Variants in ZBTB25 observed in about 807,000 individuals in gnomAD.
ZBTB25 encodes zinc finger and BTB domain containing 25.
A neutral mutation model predicts 34.2 loss-of-function variants in ZBTB25; 20 were observed. The ratio of observed to expected loss-of-function variants is 0.58; its 90% confidence interval spans 0.41 to 0.85. The LOEUF (loss-of-function observed/expected upper bound fraction) is 0.85. ZBTB25 is among the 40% of genes least tolerant of loss of function. The pLI is 0.00. For synonymous variants in ZBTB25, 175 were observed against 186.4 expected (o/e 0.94, Z 0.50); for missense variants, 437 against 521.8 (o/e 0.84, Z 1.58).
At chr14:64,468,644 C>T (rs147744153) in intron 2 of ZBTB25, 40 of 1,613,958 alleles carry the variant, frequency 2.5e-5, no homozygotes, top group Admixed American at 3.3e-5. Flanking sequence ...CTCACTCAAA[C>T]GTCTTGTAAC....
chr14:64,494,314 A>G (rs1397483198), intron 1 of ZBTB25, among the ~76,000 whole-genome samples: 2 of 152,190 alleles, frequency 1.3e-5, no homozygotes, highest in Non-Finnish European at 2.9e-5. Flanking sequence ...CAAGGGCCAA[A>G]TATCTGACTG....
chr14:64,490,203 G>A (rs2079028752), intron 2 of ZBTB25, among the ~76,000 whole-genome samples, 158 bp downstream of exon 2: 1 of 73,188 alleles, frequency 1.4e-5, no homozygotes, highest in Non-Finnish European at 2.3e-5. Flanking sequence ...GCAAGACTCT[G>A]TCGCCAAAAA....
In ZBTB25 at chr14:64,487,620, T is replaced by A; in HGVS notation, c.611A>T (p.Lys204Met). 6.2e-7 allele frequency: 1 copy of A among 1,606,602 alleles called. No homozygotes were observed. The highest frequency in any genetic ancestry group is 8.5e-7 in the Non-Finnish European group (1 of 1,176,266). ...EEHQKPPVSIKQERCDPESVI... is the reference protein window; with the variant it reads ...EEHQKPPVSIMQERCDPESVI... ...AGATTCTGGGTCACATCTCTCCTGC[T>A]TGATGGAAACTGGGGGCTTCTGGTG... The change falls in exon 3 of 3, where the codon AAG becomes ATG. Residue 204 changes from lysine to methionine, a missense_variant. Physicochemically the swap from Lys to Met is moderately conservative, Grantham distance 95. Coordinates refer to ENST00000608382, the MANE Select transcript of ZBTB25 (RefSeq NM_006977.5).
intron 1 of ZBTB25, chr14:64,502,804 C>G (rs1263255673): frequency 1.0e-6 from 1 of 958,542 alleles, no homozygotes; most frequent in Non-Finnish European, 1.2e-6. Context: ...CTCTTCAGGC[C>G]TGGTGTCTTC....
intron 2 of ZBTB25, chr14:64,467,452 T>C (rs936720741): frequency 6.6e-6 from 1 of 152,212 alleles, no homozygotes; most frequent in Non-Finnish European, 1.5e-5. Flanking sequence ...ATACAGTACT[T>C]AAATGAAAAT....
rs1000826772 is a variant in ZBTB25 at position 64,466,614 on chromosome 14, A to T, written c.174-16976T>A. ...TTAGTTCCGTCATTGTTCTAGAATG[A>T]CTTTATCTTTCTGTTAGAGGCACAC... On this transcript the variant is annotated intron_variant, in intron 2 of 2. Transcript: ENST00000555220. Among the ~76,000 whole-genome samples the T allele has an allele frequency of 4.6e-5, 7 of 152,324 alleles. 1 individual carries two copies.
At chr14:64,450,395 C>G (rs1237682301) in intron 2 of ZBTB25, among the ~76,000 whole-genome samples, 1 of 152,156 alleles carries the variant, frequency 6.6e-6, no homozygotes, top group Non-Finnish European at 1.5e-5. Context: ...GGTGCTGCCT[C>G]AAGTTGAGGG....
intron 2 of ZBTB25, chr14:64,472,405 T>TA (rs2078682353): frequency 6.0e-6 from 1 of 167,016 alleles, no homozygotes; most frequent in Non-Finnish European, 1.5e-5. Flanking sequence ...GGGGGATTTT[T>TA]AAAAAAACAG....
At chr14:64,498,499 T>A (rs2079361433) in intron 1 of ZBTB25, among the ~76,000 whole-genome samples, 1 of 151,914 alleles carries the variant, frequency 6.6e-6, no homozygotes, top group Admixed American at 6.6e-5. Context: ...TTAGTAGAGA[T>A]GGGGTTTCGC....
intron 2 of ZBTB25, chr14:64,471,135 T>C (rs1380659125): frequency 2.4e-5 from 4 of 166,780 alleles, no homozygotes; most frequent in African/African-American, 9.6e-5. Context: ...AGTTAACTTT[T>C]TCATCACTAT....
chr14:64,474,718 G>A (rs2141008399), downstream of ZBTB25, among the ~76,000 whole-genome samples: 1 of 152,206 alleles, frequency 6.6e-6, no homozygotes, highest in South Asian at 2.1e-4. Flanking sequence ...CAGCCAAAAG[G>A]GCAGTTCTGA....
At chr14:64,504,814 C>CTCT (rs1269883480), upstream of ZBTB25, 1 of 388,862 alleles carries the variant, frequency 2.6e-6, no homozygotes, top group Non-Finnish European at 4.5e-6. Flanking sequence ...TCCGCGCAGC[C>CTCT]CAGCCCGAGC....
In ZBTB25 at chr14:64,483,162, T is replaced by A. The variant is rs1267023014; in HGVS notation, c.*3761A>T. The A allele has an allele frequency of 6.6e-6, 1 of 152,182 alleles. No individual in the cohort carries two copies. Among genetic ancestry groups the A allele is most frequent in the Non-Finnish European group, 1.5e-5 (1 of 68,026 alleles). The allele number at this position is 152,182 out of a possible 1,614,324, so 9.4% of individuals were successfully genotyped here. On this transcript the variant is annotated 3_prime_UTR_variant, in exon 3 of 3. Coordinates refer to ENST00000608382, the MANE Select transcript of ZBTB25 (RefSeq NM_006977.5). ...GATACACACGAAAGTGCATATGACATTTCCAGTTTCAAGCTTGGTAATCAT... is the reference window on the plus strand; with the variant it reads ...GATACACACGAAAGTGCATATGACAATTCCAGTTTCAAGCTTGGTAATCAT...
intron 2 of ZBTB25, among the ~76,000 whole-genome samples, chr14:64,459,049 C>A (rs972719231): frequency 3.3e-5 from 5 of 152,086 alleles, no homozygotes; most frequent in Non-Finnish European, 5.9e-5. Flanking sequence ...GTCTTACTGG[C>A]AATAAGAAGC....
intron 2 of ZBTB25, chr14:64,467,527 T>C (rs931963296): frequency 6.6e-6 from 1 of 152,138 alleles, no homozygotes; most frequent in South Asian, 2.1e-4. Context: ...CCTAAGAATA[T>C]GTATGAAAAA....
At position 64,485,004 on chromosome 14, in the gene ZBTB25, T is replaced by C. The variant is rs2078842874; in HGVS notation, c.*1919A>G. 1 of 985,304 alleles carries C rather than the reference T, an allele frequency of 1.0e-6. No homozygotes were observed. The highest frequency in any genetic ancestry group is 4.7e-5 in the South Asian group (1 of 21,294). 61.0% of individuals were successfully genotyped at this position (985,304 alleles called of 1,614,324 possible). On this transcript the variant is annotated 3_prime_UTR_variant, in exon 3 of 3. Coordinates refer to ENST00000608382, the MANE Select transcript of ZBTB25 (RefSeq NM_006977.5). ...ATACAATTGATCTTATCAAGTTAGA[T>C]GTGCTCTCAACACACATCAGTCTTA...
At chr14:64,502,201 T>C (rs1378546547) in intron 1 of ZBTB25, among the ~76,000 whole-genome samples, 1 of 152,134 alleles carries the variant, frequency 6.6e-6, no homozygotes, top group African/African-American at 2.4e-5. Context: ...GCAGAATCCA[T>C]CTCTACTACA....
At chr14:64,472,438 G>A (rs2141006730) in intron 2 of ZBTB25, 1 of 167,098 alleles carries the variant, frequency 6.0e-6, no homozygotes, top group South Asian at 2.1e-4. Flanking sequence ...TATGTGCAAT[G>A]AATTTTTTGG....
chr14:64,469,726 C>A (rs761125451), intron 2 of ZBTB25: 3 of 1,292,330 alleles, frequency 2.3e-6, no homozygotes, highest in African/African-American at 3.0e-5. Flanking sequence ...ATGAAGAATT[C>A]TTTTATACAT....
Sources: gnomAD v4.1 joint callset for allele counts (sites outside exome capture counted in the v4.1 genomes callset) on GRCh38, gnomAD v4.1.1 for gene constraint, MANE v1.5 for transcripts, NCBI Gene and HGNC (gene_info 2026-07-23, HGNC 2026-07-21) for gene names.